Variants in ERC2 observed in about 807,000 individuals in gnomAD.
The protein encoded by ERC2 is ELKS/RAB6-interacting/CAST family member 2.
In ERC2, 42 loss-of-function variants were observed where a neutral mutation model predicts 114.8. The ratio of observed to expected loss-of-function variants is 0.37; its 90% CI spans 0.29 to 0.47. The LOEUF is 0.47. ERC2 is among the 20% of genes least tolerant of loss of function. The pLI is 0.99. For missense variants in ERC2, 939 were observed against 1,150.7 expected (o/e 0.82, Z 2.66); for synonymous variants, 454 against 425.5 (o/e 1.07, Z -0.82).
chr3:55,860,222 T>A (rs1170959342), intron 14 of ERC2, among the ~76,000 whole-genome samples: 1 of 152,146 alleles, frequency 6.6e-6, no homozygotes, highest in Non-Finnish European at 1.5e-5. Flanking sequence ...CCAAATTTAC[T>A]TGAAAGAGGA....
intron 2 of ERC2, among the ~76,000 whole-genome samples, chr3:56,360,282 C>T (rs1173354539): frequency 1.3e-5 from 2 of 151,938 alleles, no homozygotes; most frequent in Non-Finnish European, 2.9e-5. Flanking sequence ...GATCCGCCTG[C>T]CTCAGCCTCC....
At chr3:55,966,962 C>A (rs1172676351) in intron 12 of ERC2, among the ~76,000 whole-genome samples, 1 of 152,136 alleles carries the variant, frequency 6.6e-6, no homozygotes, top group Admixed American at 6.5e-5. Context: ...CACACATATC[C>A]CTAAACAGTG....
Position 56,435,080 on chromosome 3 carries a change from A to C in ERC2, c.-73T>G. ...AGTTGGGGTTTGAGCTAATATTTCC[A>C]CGATTGTCCAGAATTTTCACCGCAT... On this transcript the variant is annotated 5_prime_UTR_variant, in exon 2 of 18. Transcript: ENST00000288221. 1 of 1,180,168 alleles carries C rather than the reference A, an allele frequency of 8.5e-7. No individual in the cohort carries two copies. Among genetic ancestry groups the C allele is most frequent in the African/African-American group, 1.5e-5 (1 of 65,198 alleles). 73.1% of individuals were successfully genotyped at this position (1,180,168 alleles called of 1,614,324 possible).
At chr3:55,783,526 A>T (rs1468782065) in intron 14 of ERC2, among the ~76,000 whole-genome samples, 2 of 152,226 alleles carry the variant, frequency 1.3e-5, no homozygotes, top group African/African-American at 2.4e-5. Context: ...ATGTGGATTT[A>T]CTTTTAAAAT....
chr3:56,310,009 C>G (rs2056449573), intron 2 of ERC2, among the ~76,000 whole-genome samples: 1 of 152,000 alleles, frequency 6.6e-6, no homozygotes, highest in African/African-American at 2.4e-5. Flanking sequence ...GTTTTAAGAC[C>G]AATTCGAAGA....
intron 3 of ERC2, among the ~76,000 whole-genome samples, chr3:56,175,359 T>C (rs1005955439): frequency 6.6e-6 from 1 of 152,198 alleles, no homozygotes; most frequent in African/African-American, 2.4e-5. Flanking sequence ...TCCCCTAACA[T>C]ATCCCTGGGA....
At chr3:55,663,220 A>T (rs1276570917) in intron 17 of ERC2, among the ~76,000 whole-genome samples, 1 of 152,222 alleles carries the variant, frequency 6.6e-6, no homozygotes, top group African/African-American at 2.4e-5. Context: ...CAAACAAAAA[A>T]ATTCCCCAAA....
chr3:55,932,174 C>T (rs1168910088), intron 13 of ERC2, among the ~76,000 whole-genome samples: 1 of 152,066 alleles, frequency 6.6e-6, no homozygotes, highest in Non-Finnish European at 1.5e-5. Flanking sequence ...GTAAGGAAAG[C>T]TAGGCTAGAG....
At chr3:55,713,741 A>G (rs376797979) in intron 15 of ERC2, among the ~76,000 whole-genome samples, 68 of 152,284 alleles carry the variant, frequency 4.5e-4, no homozygotes, top group African/African-American at 1.4e-3. Context: ...CAACCTCCCT[A>G]TAGAGGTGAC....
chr3:55,590,921 C>T (rs1409791763), intron 17 of ERC2, among the ~76,000 whole-genome samples: 2 of 152,116 alleles, frequency 1.3e-5, no homozygotes, highest in Non-Finnish European at 2.9e-5. Context: ...CTCTGCCTCC[C>T]GGGTTCAAGC....
At chr3:56,050,178 A>T (rs1365167899) in intron 7 of ERC2, among the ~76,000 whole-genome samples, 2 of 152,190 alleles carry the variant, frequency 1.3e-5, no homozygotes, top group African/African-American at 4.8e-5. Flanking sequence ...TACACCAAAA[A>T]GGAGGAATTT....
intron 3 of ERC2, among the ~76,000 whole-genome samples, chr3:56,195,928 C>T (rs2048073705): frequency 6.6e-6 from 1 of 152,120 alleles, no homozygotes; most frequent in Admixed American, 6.5e-5. Flanking sequence ...TTTGTGTAAA[C>T]CTGACCATCA....
chr3:56,314,908 C>T (rs1166268586), intron 2 of ERC2, among the ~76,000 whole-genome samples: 1 of 152,218 alleles, frequency 6.6e-6, no homozygotes, highest in Non-Finnish European at 1.5e-5. Context: ...CTTCTAGCTC[C>T]ATGTACCAGT....
chr3:56,421,838 T>G (rs2061402919), intron 2 of ERC2, among the ~76,000 whole-genome samples: 1 of 151,996 alleles, frequency 6.6e-6, no homozygotes, highest in Admixed American at 6.6e-5. Context: ...CCTCCCCACT[T>G]TTTTTTTCTT....
chr3:56,454,825 C>T (rs1363030455), intron 1 of ERC2, among the ~76,000 whole-genome samples: 4 of 135,388 alleles, frequency 3.0e-5, no homozygotes, highest in African/African-American at 1.1e-4. Context: ...TGTCACTGCA[C>T]TCCCACTTGG....
chr3:55,802,799 A>G (rs2059352969), intron 14 of ERC2, among the ~76,000 whole-genome samples: 2 of 152,196 alleles, frequency 1.3e-5, no homozygotes, highest in Admixed American at 1.3e-4. Context: ...AAAGTTAGAT[A>G]TCCTTCTATG....
chr3:55,586,114 C>T (rs1268372377), intron 17 of ERC2, among the ~76,000 whole-genome samples: 1 of 152,026 alleles, frequency 6.6e-6, no homozygotes, highest in African/African-American at 2.4e-5. Flanking sequence ...GACTTGGAGG[C>T]ACACTGGTGC....
intron 4 of ERC2, among the ~76,000 whole-genome samples, chr3:56,155,867 G>A (rs533480214): frequency 1.3e-5 from 2 of 152,264 alleles, no homozygotes; most frequent in South Asian, 2.1e-4. Flanking sequence ...ATGTATCAAG[G>A]AAGAGTAGAA....
intron 6 of ERC2, among the ~76,000 whole-genome samples, chr3:56,128,376 C>T (rs1374907455): frequency 1.3e-5 from 2 of 152,072 alleles, no homozygotes; most frequent in African/African-American, 4.8e-5. Flanking sequence ...GCACCTAGGA[C>T]CATGTAGGCA....
Sources: gnomAD v4.1 joint callset for allele counts (sites outside exome capture counted in the v4.1 genomes callset) on GRCh38, gnomAD v4.1.1 for gene constraint, MANE v1.5 for transcripts, NCBI Gene and HGNC (gene_info 2026-07-23, HGNC 2026-07-21) for gene names.